The following PARD3 variants were observed in gnomAD, a reference collection of about 807,000 sequenced individuals.
PARD3 encodes par-3 family cell polarity regulator.
A neutral mutation model predicts 155.4 loss-of-function variants in PARD3; 75 were observed. The ratio of observed to expected loss-of-function variants is 0.48; its 90% confidence interval spans 0.40 to 0.58. PARD3 has a LOEUF of 0.58. Ranked by LOEUF, PARD3 falls within the 20% of genes least tolerant of loss-of-function variation. PARD3 has a pLI of 0.00. For synonymous variants in PARD3, 576 were observed against 610.5 expected, an observed-to-expected ratio of 0.94 and a Z score of 0.83; for missense variants, 1,642 against 1,721.7, an observed-to-expected ratio of 0.95 and a Z score of 0.82.
At chr10:34,121,199 T>C (rs1482676146) in intron 23 of PARD3, among the ~76,000 whole-genome samples, 1 of 152,268 alleles carries the variant, frequency 6.6e-6, no homozygotes, top group African/African-American at 2.4e-5. Flanking sequence ...ATCAGGTTTC[T>C]GGGATGCTTC....
chr10:34,696,833 T>C (rs1034100155), intron 1 of PARD3, among the ~76,000 whole-genome samples: 21 of 151,926 alleles, frequency 1.4e-4, no homozygotes, highest in African/African-American at 3.9e-4. Context: ...TCTGAAGAAT[T>C]TGTATTTTTG....
chr10:34,307,477 AT>A (rs1957471292), intron 20 of PARD3, among the ~76,000 whole-genome samples: 1 of 152,186 alleles, frequency 6.6e-6, no homozygotes, highest in African/African-American at 2.4e-5. Context: ...TAAGCTGCAC[AT>A]TCTAATGTCA....
intron 12 of PARD3, 54 bp downstream of exon 12, chr10:34,372,444 A>T: frequency 7.7e-7 from 1 of 1,292,916 alleles, no homozygotes. Context: ...GTAAGAAGTT[A>T]GTTCCATGTA....
At chr10:34,612,358 A>G (rs1366487094) in intron 2 of PARD3, among the ~76,000 whole-genome samples, 1 of 152,228 alleles carries the variant, frequency 6.6e-6, no homozygotes, top group Non-Finnish European at 1.5e-5. Context: ...CATTTTCCCT[A>G]TCAGAGAGAA....
chr10:34,122,114 C>T (rs1947038033), intron 23 of PARD3, among the ~76,000 whole-genome samples: 1 of 152,150 alleles, frequency 6.6e-6, no homozygotes, highest in South Asian at 2.1e-4. Context: ...TCAAAAGAAC[C>T]ACATTTTCCT....
At chr10:34,512,109 G>C (rs531273030) in intron 3 of PARD3, among the ~76,000 whole-genome samples, 1 of 152,218 alleles carries the variant, frequency 6.6e-6, no homozygotes, top group African/African-American at 2.4e-5. Context: ...TCAGTACCTA[G>C]ATCCATTATG....
At chr10:34,382,071 TCAAA>T (rs1467431394) in intron 9 of PARD3, among the ~76,000 whole-genome samples, 2 of 152,036 alleles carry the variant, frequency 1.3e-5, no homozygotes, top group African/African-American at 4.8e-5. Flanking sequence ...CCTGGCAGCC[TCAAA>T]CAAATTGGTC....
intron 2 of PARD3, among the ~76,000 whole-genome samples, chr10:34,600,774 C>T (rs1159453087): frequency 1.3e-5 from 2 of 151,968 alleles, no homozygotes; most frequent in Non-Finnish European, 2.9e-5. Context: ...GGTAGGGCTA[C>T]CATCAAGTTT....
chr10:34,590,082 C>A (rs997870419), intron 2 of PARD3, among the ~76,000 whole-genome samples: 13 of 152,146 alleles, frequency 8.5e-5, no homozygotes, highest in South Asian at 8.3e-4. Context: ...GTCTTCCTAA[C>A]ACGAATATGA....
chr10:34,456,772 T>A lies in PARD3; in HGVS notation c.583-6324A>T, dbSNP rs141413123. On this transcript the variant is annotated intron_variant, in intron 4 of 24. Coordinates refer to ENST00000374788, the MANE Select transcript of PARD3 (RefSeq NM_001184785.2). ...TTCCTTTGAAATGTTAAAGGTATTATCCATAGTTCTTAAAACTCATTCTGA... is the reference window on the plus strand; with the variant it reads ...TTCCTTTGAAATGTTAAAGGTATTAACCATAGTTCTTAAAACTCATTCTGA... Among the ~76,000 whole-genome samples the A allele has an allele frequency of 3.0e-3, 462 of 152,320 alleles. 6 individuals carry two copies. The highest frequency in any genetic ancestry group is 0.011 in the African/African-American group (440 of 41,572).
intron 7 of PARD3, among the ~76,000 whole-genome samples, chr10:34,395,172 T>C (rs993881184): frequency 7.2e-5 from 11 of 152,208 alleles, no homozygotes; most frequent in Admixed American, 2.6e-4. Context: ...GTAGCTGGGA[T>C]TACAGGCACC....
At chr10:34,579,943 A>C (rs2134243280) in intron 2 of PARD3, among the ~76,000 whole-genome samples, 1 of 150,504 alleles carries the variant, frequency 6.6e-6, no homozygotes, top group South Asian at 2.1e-4. Context: ...ATGGAGTCTT[A>C]CTCTGTCTCC....
At chr10:34,342,808 T>C (rs1231534185) in intron 15 of PARD3, among the ~76,000 whole-genome samples, 1 of 152,212 alleles carries the variant, frequency 6.6e-6, no homozygotes, top group Non-Finnish European at 1.5e-5. Flanking sequence ...TTCAACTGCA[T>C]TCCTCATTTA....
intron 1 of PARD3, among the ~76,000 whole-genome samples, chr10:34,706,109 A>C (rs1227993755): frequency 6.6e-6 from 1 of 152,352 alleles, no homozygotes; most frequent in South Asian, 2.1e-4. Context: ...GACACAGCCA[A>C]GGCAAGAATG....
At chr10:34,143,431 G>A (rs1252922147) in intron 22 of PARD3, among the ~76,000 whole-genome samples, 2 of 152,086 alleles carry the variant, frequency 1.3e-5, no homozygotes, top group Admixed American at 1.3e-4. Flanking sequence ...TATTAGAAAG[G>A]TTTTATCATT....
chr10:34,241,478 T>C (rs1304024859), intron 22 of PARD3, among the ~76,000 whole-genome samples: 2 of 150,710 alleles, frequency 1.3e-5, no homozygotes, highest in African/African-American at 4.9e-5. Flanking sequence ...TTCACAGAAG[T>C]GAAAAAGCAA....
intron 20 of PARD3, among the ~76,000 whole-genome samples, chr10:34,313,475 A>T (rs1589144826): frequency 1.3e-5 from 2 of 152,316 alleles, no homozygotes; most frequent in South Asian, 4.1e-4. Context: ...TTTGTAGTTC[A>T]TATACTCCAT....
chr10:34,406,285 G>A (rs1296982762), intron 5 of PARD3, among the ~76,000 whole-genome samples: 1 of 152,188 alleles, frequency 6.6e-6, no homozygotes, highest in African/African-American at 2.4e-5. Context: ...GAAATTTTGA[G>A]ACTTGCAAAG....
chr10:34,568,099 A>C (rs1348312064), intron 2 of PARD3, among the ~76,000 whole-genome samples: 2 of 152,218 alleles, frequency 1.3e-5, no homozygotes, highest in Non-Finnish European at 2.9e-5. Flanking sequence ...CCCAGTGTCC[A>C]TCTGCAACCA....
Sources: allele counts gnomAD v4.1 joint callset (sites outside exome capture counted in the v4.1 genomes callset), GRCh38; gene constraint gnomAD v4.1.1; transcripts MANE v1.5; gene names NCBI Gene and HGNC (gene_info 2026-07-23, HGNC 2026-07-21).